Variants in GHR observed in about 807,000 individuals in gnomAD.
GHR encodes growth hormone receptor.
A neutral mutation model predicts 67.1 loss-of-function variants in GHR; 35 were observed. The ratio of observed to expected loss-of-function variants is 0.52; its 90% CI spans 0.40 to 0.69. The LOEUF is 0.69. Ranked by LOEUF, GHR falls within the 30% of genes least tolerant of loss-of-function variation. GHR has a pLI of 0.00. For missense variants in GHR, 792 were observed against 764.6 expected (o/e 1.04, Z -0.42); for synonymous variants, 272 against 269.1 (o/e 1.01, Z -0.10).
At chr5:42,515,010 A>T (rs1747177561) in intron 1 of GHR, 1 of 112,146 alleles carries the variant, frequency 8.9e-6, no homozygotes, top group Admixed American at 9.1e-5. Flanking sequence ...GAATTTGCAA[A>T]GGGTACTTAA....
chr5:42,640,778 G>T (rs1017958022), intron 3 of GHR, among the ~76,000 whole-genome samples: 1 of 151,980 alleles, frequency 6.6e-6, no homozygotes, highest in Admixed American at 6.6e-5. Context: ...GTGTGTGTGT[G>T]TGTGTATCTT....
intron 3 of GHR, among the ~76,000 whole-genome samples, chr5:42,662,116 T>A (rs1220126466): frequency 2.0e-5 from 3 of 152,088 alleles, no homozygotes; most frequent in Middle Eastern, 3.4e-3. Context: ...AAGTCCTGAG[T>A]GACCTACAAA....
chr5:42,637,344 G>T (rs1205847617), intron 3 of GHR, among the ~76,000 whole-genome samples: 1 of 151,990 alleles, frequency 6.6e-6, no homozygotes. Context: ...TACACGTGCA[G>T]GTTTGTTACA....
chr5:42,566,375 A>C (rs531632419), intron 2 of GHR, among the ~76,000 whole-genome samples: 70 of 152,286 alleles, frequency 4.6e-4, no homozygotes, highest in African/African-American at 1.7e-3. Context: ...AGAGAAAAGA[A>C]ATTGCAGGTT....
intron 8 of GHR, among the ~76,000 whole-genome samples, chr5:42,717,742 T>C (rs1251943338): frequency 6.6e-6 from 1 of 152,194 alleles, no homozygotes; most frequent in East Asian, 1.9e-4. Flanking sequence ...TTTCTTTCTT[T>C]CAAATACTAA....
At chr5:42,495,709 A>G (rs1746295339) in intron 1 of GHR, among the ~76,000 whole-genome samples, 1 of 152,178 alleles carries the variant, frequency 6.6e-6, no homozygotes. Context: ...CAATTTCAAG[A>G]AGAAACATCT....
intron 1 of GHR, chr5:42,513,935 A>G (rs1434862215): frequency 5.9e-6 from 1 of 170,892 alleles, no homozygotes; most frequent in Admixed American, 6.5e-5. Flanking sequence ...AATGGGTTAA[A>G]TATAAAAATG....
intron 1 of GHR, among the ~76,000 whole-genome samples, chr5:42,458,569 G>A (rs567009529): frequency 7.1e-4 from 108 of 152,140 alleles, no homozygotes; most frequent in Non-Finnish European, 1.3e-3. Context: ...ATAGGACCTG[G>A]CAAAGATTCC....
In GHR at chr5:42,465,892, T is replaced by A; in HGVS notation, c.-12+41937T>A. 3 of 716,860 alleles carry A rather than the reference T, an allele frequency of 4.2e-6. No individual in the cohort carries two copies. The South Asian group carries it at 4.8e-5, about 11-fold the overall frequency. The allele number at this position is 716,860 out of a possible 1,614,324, so 44.4% of individuals were successfully genotyped here. On this transcript the variant is annotated intron_variant, in intron 1 of 9. Transcript: ENST00000230882. ...CGCCTCCTTCACCCCTTTCATCAAG[T>A]GGCTTTTCAAGTCTTCGTTCACAAG...
intron 1 of GHR, among the ~76,000 whole-genome samples, chr5:42,474,303 A>AAGAAAGAAAGAAAGAAAGAAAGAAAG (rs1745172303): frequency 2.2e-5 from 3 of 135,786 alleles, no homozygotes; most frequent in African/African-American, 8.5e-5. Flanking sequence ...AAGAGAAAGA[A>AAGAAAGAAAGAAAGAAAGAAAGAAAG]AGAAAGAAAG....
At chr5:42,660,736 C>G (rs943770123) in intron 3 of GHR, among the ~76,000 whole-genome samples, 4 of 152,200 alleles carry the variant, frequency 2.6e-5, no homozygotes, top group Non-Finnish European at 5.9e-5. Flanking sequence ...AGTTCCTCAC[C>G]AGCAACGGAA....
Position 42,515,475 on chromosome 5 carries a change from C to G in GHR, c.-11-50389C>G, listed in dbSNP as rs150301683. On this transcript the variant is annotated intron_variant, in intron 1 of 9. Transcript: ENST00000230882. ...TTATGTTCTATGTCATCCACATAGT[C>G]TTGGCTTCTAGGCACCAAGGTGTTG... Among the ~76,000 whole-genome samples, 4 of 152,318 alleles carry G rather than the reference C, an allele frequency of 2.6e-5. No homozygotes were observed. In the East Asian group the frequency reaches 7.7e-4, roughly 29 times the overall value.
At chr5:42,580,906 C>T (rs930858863) in intron 2 of GHR, among the ~76,000 whole-genome samples, 1 of 152,182 alleles carries the variant, frequency 6.6e-6, no homozygotes, top group African/African-American at 2.4e-5. Context: ...AAATCACTCT[C>T]CTCTCTCCAG....
chr5:42,719,220 C>T lies in GHR; in HGVS notation c.1713C>T (p.Ser571=), dbSNP rs758353977. 6.2e-7 allele frequency: 1 copy of T among 1,613,924 alleles called. No individual in the cohort carries two copies. The highest frequency in any genetic ancestry group is 1.3e-5 in the African/African-American group (1 of 74,924). Reference sequence around the variant, plus strand: ...AGGACATTTACATCACCACAGAAAGCCTTACCACTGCTGCTGGGAGGCCTG... The same window carrying T: ...AGGACATTTACATCACCACAGAAAGTCTTACCACTGCTGCTGGGAGGCCTG... ...NQEDIYITTE[S]LTTAAGRPGT... is the part of the protein sequence containing the mutation. The change falls in exon 10 of 10, where the codon AGC becomes AGT. Residue 571 remains serine, a synonymous_variant. Transcript: ENST00000230882.
intron 2 of GHR, among the ~76,000 whole-genome samples, chr5:42,593,452 C>T (rs1157316953): frequency 2.0e-5 from 3 of 152,148 alleles, no homozygotes; most frequent in Non-Finnish European, 4.4e-5. Flanking sequence ...ATTTGGTGAG[C>T]ATTTATAGAG....
At chr5:42,495,089 T>A (rs1478476581) in intron 1 of GHR, among the ~76,000 whole-genome samples, 1 of 148,638 alleles carries the variant, frequency 6.7e-6, no homozygotes, top group Non-Finnish European at 1.5e-5. Context: ...CCCCCCCCCA[T>A]TTTCTTTGAT....
chr5:42,443,982 TATAGATATAGACATAGACATAG>T (rs1264511034), intron 1 of GHR, among the ~76,000 whole-genome samples: 25 of 151,830 alleles, frequency 1.6e-4, no homozygotes, highest in African/African-American at 6.1e-4. Flanking sequence ...TAGATATAGA[TATAGATATAGACATAGACATAG>T]ATAGATATAG....
chr5:42,574,494 A>G (rs1750531367), intron 2 of GHR, among the ~76,000 whole-genome samples: 1 of 152,222 alleles, frequency 6.6e-6, no homozygotes, highest in Non-Finnish European at 1.5e-5. Flanking sequence ...TTAATGAGAA[A>G]TAGAAGGAAG....
intron 1 of GHR, among the ~76,000 whole-genome samples, chr5:42,561,646 T>G (rs1311293037): frequency 6.6e-6 from 1 of 152,238 alleles, no homozygotes; most frequent in Non-Finnish European, 1.5e-5. Flanking sequence ...AACTTGCTTT[T>G]TCTTGAGAAA....
Sources: allele counts gnomAD v4.1 joint callset (sites outside exome capture counted in the v4.1 genomes callset), GRCh38; gene constraint gnomAD v4.1.1; transcripts MANE v1.5; gene names NCBI Gene and HGNC (gene_info 2026-07-23, HGNC 2026-07-21).